Variants in KBTBD3 observed in about 807,000 individuals in gnomAD.
KBTBD3 encodes the protein kelch repeat and BTB domain containing 3, also known as kelch repeat and BTB domain-containing protein 3.
In KBTBD3, 38 loss-of-function variants were observed where a neutral mutation model predicts 49.6. The observed-to-expected ratio is 0.77, with a 90% CI of 0.59 to 1.00. The LOEUF (loss-of-function observed/expected upper bound fraction) is 1.00, where lower values mean the gene tolerates loss of function less well. Among genes scored for constraint, KBTBD3 ranks in the 50% least tolerant of loss-of-function variants. The pLI is 0.00. For missense variants in KBTBD3, 661 were observed against 712.0 expected (o/e 0.93, Z 0.81); for synonymous variants, 214 against 250.4 (o/e 0.85, Z 1.37).
At chr11:106,065,036 T>C (rs891415049) in intron 2 of KBTBD3, among the ~76,000 whole-genome samples, 1 of 152,232 alleles carries the variant, frequency 6.6e-6, no homozygotes, top group Non-Finnish European at 1.5e-5. Flanking sequence ...CAAGGATATT[T>C]GATCAACATG....
chr11:106,073,258 C>CTTTTTT (rs374062847), intron 2 of KBTBD3, among the ~76,000 whole-genome samples: 3 of 113,084 alleles, frequency 2.7e-5, no homozygotes, highest in Non-Finnish European at 5.2e-5. Flanking sequence ...GCACACTCAG[C>CTTTTTT]TTTTTTTTTT....
At chr11:106,076,100 T>C (rs1487477869) in intron 2 of KBTBD3, 3 of 152,232 alleles carry the variant, frequency 2.0e-5, no homozygotes, top group African/African-American at 7.2e-5. Flanking sequence ...GGAAAGGTTA[T>C]ATGATTCTTA....
At chr11:106,064,710 T>C (rs1201165934) in intron 2 of KBTBD3, among the ~76,000 whole-genome samples, 2 of 152,142 alleles carry the variant, frequency 1.3e-5, no homozygotes, top group Non-Finnish European at 2.9e-5. Flanking sequence ...AGTGTCACAG[T>C]GTAGCCAAGA....
Position 106,053,668 on chromosome 11 carries a change from C to A in KBTBD3, c.1021G>T (p.Gly341Ter). ...CCACCTGTCAAGAATATTTTCTCTC[C>A]GTAACTCGAAAGACTAGATCCTGGC... ...DLPGSSLSSY[G>*]EKIFLTGGCK... The change falls in exon 4 of 4, where the codon GGA becomes TGA. Residue 341 changes from glycine (G) to a stop codon, truncating the protein, a stop_gained. Transcript: ENST00000531837. LOFTEE classifies it high-confidence loss of function. 6.2e-7 allele frequency: 1 copy of A among 1,613,704 alleles called. No individual in the cohort carries two copies. Among genetic ancestry groups the A allele is most frequent in the Non-Finnish European group, 8.5e-7 (1 of 1,179,872 alleles).
At chr11:106,065,987 G>C (rs1860804556) in intron 2 of KBTBD3, among the ~76,000 whole-genome samples, 1 of 151,486 alleles carries the variant, frequency 6.6e-6, no homozygotes, top group African/African-American at 2.4e-5. Context: ...AAAATCATCA[G>C]GTGGGGCCTA....
chr11:106,061,106 C>G (rs1221201612), intron 2 of KBTBD3, among the ~76,000 whole-genome samples: 3 of 152,094 alleles, frequency 2.0e-5, no homozygotes, highest in Non-Finnish European at 1.5e-5. Flanking sequence ...CTTAATGCAC[C>G]CTCTCCAAGT....
In KBTBD3 at chr11:106,053,583, G is replaced by C. The variant is rs774174823; in HGVS notation, c.1106C>G (p.Ala369Gly). 3 of 1,613,658 alleles carry C rather than the reference G, an allele frequency of 1.9e-6. No individual in the cohort carries two copies. The highest frequency in any genetic ancestry group is 2.5e-6 in the Non-Finnish European group (3 of 1,179,884). ...RLHIAESYHDATDQTWCYCPV... is the reference protein window; with the variant it reads ...RLHIAESYHDGTDQTWCYCPV... ...ACAGTAGCACCAGGTTTGATCAGTGGCATCATGATATGACTCGGCAATATG... is the reference window on the plus strand; with the variant it reads ...ACAGTAGCACCAGGTTTGATCAGTGCCATCATGATATGACTCGGCAATATG... Residue 369 changes from alanine (A) to glycine (G), a missense_variant, in exon 4 of 4, where the codon GCC becomes GGC. Ala to Gly is a moderately conservative substitution (Grantham distance 60). Transcript: ENST00000531837.
At chr11:106,068,494 A>G (rs1283927952) in intron 2 of KBTBD3, among the ~76,000 whole-genome samples, 1 of 152,208 alleles carries the variant, frequency 6.6e-6, no homozygotes, top group Non-Finnish European at 1.5e-5. Flanking sequence ...TGCAGCTAAA[A>G]TAGTGTGAGA....
intron 3 of KBTBD3, chr11:106,057,869 CAG>C (rs562542278): frequency 2.2e-4 from 84 of 380,700 alleles, no homozygotes; most frequent in African/African-American, 1.3e-3. Context: ...TCTTTTCTCG[CAG>C]AGTTATTTTC....
chr11:106,053,378 A>AC lies in KBTBD3; in HGVS notation c.1310_1311insG (p.Ser438Ter). 1 of 1,613,364 alleles carries AC rather than the reference A, an allele frequency of 6.2e-7. No individual in the cohort carries two copies. The highest frequency in any genetic ancestry group is 8.5e-7 in the Non-Finnish European group (1 of 1,179,798). ...AGTATATGCCTCTGGGTAATGGGCT[A>AC]ACAGATATCCATTCTTTGGAAAGAG... is the stretch of plus-strand genomic sequence containing the variant. On this transcript the variant is annotated frameshift_variant, in exon 4 of 4. Transcript: ENST00000531837. LOFTEE classifies it high-confidence loss of function.
intron 2 of KBTBD3, among the ~76,000 whole-genome samples, chr11:106,072,528 A>T (rs1266484759): frequency 6.6e-6 from 1 of 152,182 alleles, no homozygotes; most frequent in East Asian, 1.9e-4. Context: ...CACTGACTCA[A>T]TTTTTAAAAT....
chr11:106,057,326 A>G (rs1860573180), intron 3 of KBTBD3: 1 of 152,258 alleles, frequency 6.6e-6, no homozygotes, highest in Non-Finnish European at 1.5e-5. Context: ...TAGTATTTCT[A>G]TATCTTAAAC....
At chr11:106,067,937 T>A (rs987527738) in intron 2 of KBTBD3, among the ~76,000 whole-genome samples, 1 of 151,866 alleles carries the variant, frequency 6.6e-6, no homozygotes, top group African/African-American at 2.4e-5. Flanking sequence ...GGAAAAGATA[T>A]ACTATGCAAG....
At position 106,051,838 on chromosome 11, in the gene KBTBD3, AC is replaced by A. The variant is rs1359937714; in HGVS notation, c.*1011del. ...TAAGAATAATTTACTGAAGTAGTAA[AC>A]CAACATAGTGCTTTATAGTTGGTAT... is the stretch of plus-strand genomic sequence containing the variant. On this transcript the variant is annotated 3_prime_UTR_variant, in exon 4 of 4. Transcript: ENST00000531837. The A allele has an allele frequency of 6.6e-6, 1 of 151,828 alleles. No homozygotes were observed. The highest frequency in any genetic ancestry group is 1.5e-5 in the Non-Finnish European group (1 of 67,824). 9.4% of individuals were successfully genotyped at this position (151,828 alleles called of 1,614,324 possible).
rs1198064981 is a variant in KBTBD3 at position 106,051,138 on chromosome 11, A to AAT, written c.*1710_*1711dup. On this transcript the variant is annotated 3_prime_UTR_variant, in exon 4 of 4. Coordinates refer to ENST00000531837, the MANE Select transcript of KBTBD3 (RefSeq NM_198439.3). ...ATATTTATTTTAAACATACTCTATT[A>AAT]ATATATATCCTTAAATTAACAATTC... The AAT allele has an allele frequency of 6.6e-6, 1 of 151,794 alleles. No individual in the cohort carries two copies. Among genetic ancestry groups the AAT allele is most frequent in the Non-Finnish European group, 1.5e-5 (1 of 67,788 alleles). 9.4% of individuals were successfully genotyped at this position (151,794 alleles called of 1,614,324 possible). A position where few individuals can be genotyped will look rare whatever the true frequency, so the allele number is the denominator to read the frequency against.
rs1164161010 is a variant in KBTBD3, at chr11:106,053,924, C to T, written c.765G>A (p.Leu255=). 1 of 1,613,912 alleles carries T rather than the reference C, an allele frequency of 6.2e-7. No individual in the cohort carries two copies. ...TTTTGAGTAAACTCTCTTCATTGAA[C>T]AGACAGTCCTGAAGTGTCTCCTCAG... ...QLSEETLQDC[L]FNEESLLKST... is the part of the protein sequence containing the mutation. Residue 255 remains leucine (L), a synonymous_variant, in exon 4 of 4, where the codon CTG becomes CTA. Coordinates refer to ENST00000531837, the MANE Select transcript of KBTBD3 (RefSeq NM_198439.3).
At chr11:106,055,901 G>A (rs11226908) in intron 3 of KBTBD3, among the ~76,000 whole-genome samples, 47,064 of 152,040 alleles carry the variant, frequency 0.31, 7,399 homozygotes, top group East Asian at 0.38. Context: ...GAGAAGACAC[G>A]TGTAAGATTA....
rs752236204 is a variant in KBTBD3 at position 106,052,820 on chromosome 11, G to A, written c.*30C>T. ...ATTTTGGTTAACAAATTTACTTTAG[G>A]TTACTAGAACTGGACTCGTTTTAGA... On this transcript the variant is annotated 3_prime_UTR_variant, in exon 4 of 4. Transcript: ENST00000531837. The A allele has an allele frequency of 2.6e-6, 4 of 1,551,506 alleles. No individual in the cohort carries two copies. Among genetic ancestry groups the A allele is most frequent in the East Asian group, 2.3e-5 (1 of 44,354 alleles).
At chr11:106,071,155 CA>C (rs1429425568) in intron 2 of KBTBD3, among the ~76,000 whole-genome samples, 1 of 151,994 alleles carries the variant, frequency 6.6e-6, no homozygotes, top group Non-Finnish European at 1.5e-5. Context: ...TCTTCTTGCT[CA>C]AAACATAGAA....
Sources: allele counts gnomAD v4.1 joint callset (sites outside exome capture counted in the v4.1 genomes callset), GRCh38; gene constraint gnomAD v4.1.1; transcripts MANE v1.5; gene names NCBI Gene and HGNC (gene_info 2026-07-23, HGNC 2026-07-21).